AGTPBP1: variants seen among roughly 807,000 people sequenced by gnomAD.
AGTPBP1 encodes ATP/GTP binding carboxypeptidase 1, also known as cytosolic carboxypeptidase 1.
In AGTPBP1, 70 loss-of-function variants were observed where a neutral mutation model predicts 143.9. That is an observed-to-expected ratio of 0.49 (90% confidence interval 0.40 to 0.59). The LOEUF (loss-of-function observed/expected upper bound fraction) is 0.59. Among genes scored for constraint, AGTPBP1 ranks in the 20% least tolerant of loss-of-function variants. The pLI is 0.00. For synonymous variants in AGTPBP1, 463 were observed against 500.2 expected (o/e 0.93, Z 0.99); for missense variants, 1,229 against 1,464.5 (o/e 0.84, Z 2.62).
chr9:85,636,142 T>C (rs945965477), intron 13 of AGTPBP1, among the ~76,000 whole-genome samples: 11 of 151,608 alleles, frequency 7.3e-5, no homozygotes, highest in Middle Eastern at 3.4e-3. Context: ...AAAGAAACAT[T>C]AGATATTGAA....
intron 1 of AGTPBP1, among the ~76,000 whole-genome samples, chr9:85,726,161 T>C (rs1377509518): frequency 1.3e-5 from 2 of 149,454 alleles, no homozygotes; most frequent in African/African-American, 4.9e-5. Flanking sequence ...GCCTGGAAGA[T>C]TGAGGCTACA....
At chr9:85,753,525 G>A in the AGTPBP1 span, 1 of 1,473,272 alleles carries the variant, frequency 6.8e-7, no homozygotes, top group Non-Finnish European at 9.2e-7. Context: ...ACGCTGAGGT[G>A]GGTGGATCAC....
chr9:85,572,462 C>A (rs576351455), intron 25 of AGTPBP1, among the ~76,000 whole-genome samples: 23 of 151,836 alleles, frequency 1.5e-4, no homozygotes, highest in African/African-American at 5.3e-4. Flanking sequence ...ATATATAAAA[C>A]AAAATAAATA....
intron 12 of AGTPBP1, among the ~76,000 whole-genome samples, chr9:85,644,355 C>A (rs1227172057): frequency 1.3e-5 from 2 of 149,842 alleles, no homozygotes; most frequent in East Asian, 1.9e-4. Context: ...CAAAGATATT[C>A]TTTTCTCTAA....
intron 7 of AGTPBP1, among the ~76,000 whole-genome samples, chr9:85,669,885 G>C (rs1164249194): frequency 6.6e-6 from 1 of 151,110 alleles, no homozygotes; most frequent in Non-Finnish European, 1.5e-5. Flanking sequence ...CTGAACACCA[G>C]GTTATGGGGA....
intron 2 of AGTPBP1, among the ~76,000 whole-genome samples, chr9:85,703,157 A>T (rs1031793971): frequency 2.6e-5 from 4 of 152,176 alleles, no homozygotes; most frequent in African/African-American, 7.2e-5. Context: ...GTCTGCAGCT[A>T]ATGTTTCCTA....
At position 85,677,481 on chromosome 9, in the gene AGTPBP1, A is replaced by C. The variant is rs763993657; in HGVS notation, c.391T>G (p.Leu131Val). The C allele has an allele frequency of 6.2e-6, 10 of 1,606,256 alleles. No homozygotes were observed. The Admixed American group carries it at 1.7e-4, about 27-fold the overall frequency. ...ASKESPPHED[L>V]MVQIHSILAK... ...AGAATAGAATGAATCTGTACCATTA[A>C]GTCCTCATGTGGGGGAGATTCTTTG... The change falls in exon 6 of 26, where the codon TTA becomes GTA. Residue 131 changes from leucine to valine, a missense_variant. Physicochemically the swap from Leu to Val is conservative, Grantham distance 32 (BLOSUM62 1). Transcript: ENST00000357081.
At chr9:85,557,101 T>C (rs1277762275) in intron 25 of AGTPBP1, among the ~76,000 whole-genome samples, 1 of 152,186 alleles carries the variant, frequency 6.6e-6, no homozygotes, top group African/African-American at 2.4e-5. Flanking sequence ...GTGAGAGAAA[T>C]AACTTTTTCT....
At chr9:85,788,529 A>G in the AGTPBP1 span, among the ~76,000 whole-genome samples, 1 of 150,092 alleles carries the variant, frequency 6.7e-6, no homozygotes. Flanking sequence ...ACATGATCTT[A>G]CAAGGAACTT....
intron 25 of AGTPBP1, chr9:85,553,805 C>CTT (rs1359099874): frequency 7.2e-5 from 11 of 152,282 alleles, no homozygotes; most frequent in Admixed American, 2.6e-4. Flanking sequence ...AATAAAGGAA[C>CTT]GTGAATTTTA....
chr9:85,591,544 C>T (rs1828967786), intron 19 of AGTPBP1, among the ~76,000 whole-genome samples: 1 of 152,028 alleles, frequency 6.6e-6, no homozygotes, highest in African/African-American at 2.4e-5. Context: ...TAACATAAAA[C>T]CAGGCAAATA....
At chr9:85,576,298 T>C (rs913360493) in intron 24 of AGTPBP1, among the ~76,000 whole-genome samples, 1 of 151,972 alleles carries the variant, frequency 6.6e-6, no homozygotes, top group Admixed American at 6.6e-5. Context: ...ACAGCTGATA[T>C]CAATTCAAGA....
chr9:85,742,085 T>A, upstream of AGTPBP1: 1 of 1,085,934 alleles, frequency 9.2e-7, no homozygotes, highest in Non-Finnish European at 1.1e-6. Flanking sequence ...GCGCACGCCC[T>A]CTTCCCGCCG....
intron 3 of AGTPBP1, among the ~76,000 whole-genome samples, chr9:85,690,135 T>G (rs1305160355): frequency 6.6e-6 from 1 of 151,986 alleles, no homozygotes; most frequent in Non-Finnish European, 1.5e-5. Flanking sequence ...TCAATCTGAC[T>G]ACTGAAAGAT....
chr9:85,770,061 T>TGTG, the AGTPBP1 span, among the ~76,000 whole-genome samples: 6 of 148,280 alleles, frequency 4.0e-5, no homozygotes, highest in Non-Finnish European at 7.5e-5. Flanking sequence ...TGTTAATCTG[T>TGTG]TGTGTGTGTG....
rs1183456608 is a variant in AGTPBP1 at position 85,642,889 on chromosome 9, G to A, written c.1240C>T (p.Arg414Ter). 6 of 1,613,324 alleles carry A rather than the reference G, an allele frequency of 3.7e-6. No homozygotes were observed. The highest frequency in any genetic ancestry group is 1.1e-5 in the South Asian group (1 of 90,950). The change falls in exon 13 of 26, where the codon CGA (arginine) becomes TGA (stop). Residue 414 changes from arginine to a stop codon, truncating the protein, a stop_gained. Transcript: ENST00000357081. LOFTEE classifies it high-confidence loss of function. ...TACATTTTTAGATCTTCTATTGTTC[G>A]TCCCGGTTCTTGCTGGGGTTTTAGT... is the stretch of plus-strand genomic sequence containing the variant. ...NKLKPQQEPG[R>*]TIEDLKMYEH...
intron 3 of AGTPBP1, among the ~76,000 whole-genome samples, chr9:85,688,096 T>TAAA (rs58523894): frequency 0.01 from 351 of 34,702 alleles, 2 homozygotes; most frequent in African/African-American, 0.017. Flanking sequence ...GTCTCAAAAT[T>TAAA]AAAAAAAAAA....
chr9:85,686,750 T>G (rs1835510024), intron 3 of AGTPBP1, among the ~76,000 whole-genome samples: 1 of 152,146 alleles, frequency 6.6e-6, no homozygotes, highest in Non-Finnish European at 1.5e-5. Context: ...TTAAGTACAC[T>G]GTAAAAAGAT....
At chr9:85,728,076 C>CACACACACAT (rs1187459225) in intron 1 of AGTPBP1, among the ~76,000 whole-genome samples, 27 of 144,108 alleles carry the variant, frequency 1.9e-4, no homozygotes, top group African/African-American at 3.6e-4. Flanking sequence ...CACACACACA[C>CACACACACAT]ATATTTACTT....
Sources: allele counts gnomAD v4.1 joint callset (sites outside exome capture counted in the v4.1 genomes callset), GRCh38; gene constraint gnomAD v4.1.1; transcripts MANE v1.5; gene names NCBI Gene and HGNC (gene_info 2026-07-23, HGNC 2026-07-21).